Variants in PRRC2A observed in about 807,000 individuals in gnomAD.
PRRC2A encodes the protein proline rich coiled-coil 2A.
In PRRC2A, 59 loss-of-function variants were observed where a neutral mutation model predicts 224.6. The ratio of observed to expected loss-of-function variants is 0.26; its 90% CI spans 0.21 to 0.33. The LOEUF (loss-of-function observed/expected upper bound fraction) is 0.33. Among genes scored for constraint, PRRC2A ranks in the 10% least tolerant of loss-of-function variants. PRRC2A has a pLI of 1.00. For missense variants in PRRC2A, 3,095 were observed against 2,880.7 expected (o/e 1.07, Z -1.70); for synonymous variants, 1,194 against 1,109.5 (o/e 1.08, Z -1.51).
intron 16 of PRRC2A, 91 bp from the exon 17 acceptor site, chr6:31,633,288 G>A (rs1213997220): frequency 1.0e-5 from 16 of 1,525,812 alleles, no homozygotes; most frequent in Non-Finnish European, 1.4e-5. Context: ...ATAGGGAAGA[G>A]AATAGGTTGT....
In PRRC2A at chr6:31,636,232, C is replaced by T. The variant is rs867179380; in HGVS notation, c.5648C>T (p.Pro1883Leu). ...AGATCACAGCCCCTATACCTACCCC[C>T]CGGCCCAGCCCCTCCCTCAGCACTG... ...PYRSQPLYLP[P>L]GPAPPSALLS... The change falls in exon 26 of 31, where the codon CCC becomes CTC. Residue 1883 changes from proline to leucine, a missense_variant. Transcript: ENST00000376033. This position sits in a 1 kb window ranked among gnomAD's most constrained non-coding sequence, Gnocchi z 4.3. 6 of 1,612,732 alleles carry T rather than the reference C, an allele frequency of 3.7e-6. No homozygotes were observed. Among genetic ancestry groups the T allele is most frequent in the Non-Finnish European group, 5.1e-6 (6 of 1,179,752 alleles).
In PRRC2A at chr6:31,632,378, A is replaced by G. The variant is rs762514903; in HGVS notation, c.3705A>G (p.Glu1235=). 6.2e-7 allele frequency: 1 copy of G among 1,612,080 alleles called. No homozygotes were observed. The highest frequency in any genetic ancestry group is 1.1e-5 in the South Asian group (1 of 91,024). The part of the protein sequence containing the change: ...GSNGGSNVGM[E]DGERPRRRRH... ...ATGGAGGTAGCAATGTGGGCATGGA[A>G]GATGGGGAGCGACCCCGAAGGAGGC... is the stretch of plus-strand genomic sequence containing the variant. The change falls in exon 16 of 31, where the codon GAA becomes GAG. Residue 1235 remains glutamate, a synonymous_variant. Transcript: ENST00000376033.
Position 31,637,629 on chromosome 6 carries a change from TTATAAA to T in PRRC2A, c.*48_*53del. ...CCTACCCCCGGGGCTTGTATATAGA[TTATAAA>T]TATATAAGGGGGAAAGGGGTGGGCG... On this transcript the variant is annotated 3_prime_UTR_variant, in exon 31 of 31. Coordinates refer to ENST00000376033, the MANE Select transcript of PRRC2A (RefSeq NM_004638.4). 7 of 1,173,710 alleles carry T rather than the reference TTATAAA, an allele frequency of 6.0e-6. No individual in the cohort carries two copies. The highest frequency in any genetic ancestry group is 3.1e-5 in the East Asian group (1 of 32,458). The allele number at this position is 1,173,710 out of a possible 1,614,324, so 72.7% of individuals were successfully genotyped here. A position where few individuals can be genotyped will look rare whatever the true frequency, so the allele number is the denominator to read the frequency against.
At position 31,635,181 on chromosome 6, in the gene PRRC2A, G is replaced by A. The variant is rs374300121; in HGVS notation, c.5210G>A (p.Arg1737Gln). Residue 1737 changes from arginine (R) to glutamine (Q), a missense_variant, in exon 22 of 31, where the codon CGA (arginine) becomes CAA (glutamine). By Grantham distance (43) the Arg-to-Gln change is conservative. Transcript: ENST00000376033. ...CCCCCTGGCCCCATTGGCACAGAAC[G>A]ATCACAGCGTACAGACCGAGGCACA... ...PLPPGPIGTE[R>Q]SQRTDRGTEP... 1.9e-5 allele frequency: 31 copies of A among 1,612,798 alleles called. No individual in the cohort carries two copies. The highest frequency in any genetic ancestry group is 5.5e-5 in the South Asian group (5 of 91,038).
Position 31,636,178 on chromosome 6 carries a change from A to G in PRRC2A, c.5625-31A>G. ...GGCATTGCTAGGACTCTGGCTTCCTAACAGCTTTTCTCCCCACAATTTATT... is the reference window on the plus strand; with the variant it reads ...GGCATTGCTAGGACTCTGGCTTCCTGACAGCTTTTCTCCCCACAATTTATT... On this transcript the variant is annotated intron_variant, in intron 25 of 30. Coordinates refer to ENST00000376033, the MANE Select transcript of PRRC2A (RefSeq NM_004638.4). The surrounding 1 kb of genome is among the most constrained non-coding windows in gnomAD (Gnocchi z 4.3). The G allele has an allele frequency of 6.3e-7, 1 of 1,599,336 alleles. No individual in the cohort carries two copies. The highest frequency in any genetic ancestry group is 8.6e-7 in the Non-Finnish European group (1 of 1,166,734).
chr6:31,629,170 G>C lies in PRRC2A; in HGVS notation c.1792G>C (p.Gly598Arg). The change falls in exon 13 of 31, where the codon GGT (glycine) becomes CGT (arginine). Residue 598 changes from glycine (G) to arginine (R), a missense_variant. By Grantham distance (125) the Gly-to-Arg change is moderately radical. Coordinates refer to ENST00000376033, the MANE Select transcript of PRRC2A (RefSeq NM_004638.4). ...PVEPQLPSKE[G>R]PEPPEEVPPP... ...GGAACCACAACTGCCCTCAAAAGAG[G>C]GTCCTGAACCACCAGAAGAGGTTCC... is the stretch of plus-strand genomic sequence containing the variant. 1.2e-6 allele frequency: 2 copies of C among 1,614,026 alleles called. No individual in the cohort carries two copies. Among genetic ancestry groups the C allele is most frequent in the Non-Finnish European group, 1.7e-6 (2 of 1,180,000 alleles).
Position 31,630,790 on chromosome 6 carries a change from C to T in PRRC2A, c.2454C>T (p.Asp818=), listed in dbSNP as rs1703128572. 3 of 1,613,946 alleles carry T rather than the reference C, an allele frequency of 1.9e-6. No individual in the cohort carries two copies. Among genetic ancestry groups the T allele is most frequent in the Non-Finnish European group, 2.5e-6 (3 of 1,180,004 alleles). ...SPLRQAADED[D]KGMRSETPPV... ...TGCGCCAGGCTGCGGATGAGGATGACAAGGGGATGAGGTGAGTCTTGGTCA... is the reference window on the plus strand; with the variant it reads ...TGCGCCAGGCTGCGGATGAGGATGATAAGGGGATGAGGTGAGTCTTGGTCA... Residue 818 remains aspartate, a synonymous_variant, in exon 15 of 31, where the codon GAC becomes GAT. Transcript: ENST00000376033.
intron 20 of PRRC2A, 56 bp downstream of exon 20, chr6:31,634,613 A>AC: frequency 1.3e-6 from 2 of 1,593,910 alleles, no homozygotes; most frequent in South Asian, 2.2e-5. Context: ...CACTGGTCAT[A>AC]CCCCCCACCT....
At position 31,633,534 on chromosome 6, in the gene PRRC2A, C is replaced by T. The variant is rs750970808; in HGVS notation, c.4475C>T (p.Ala1492Val). The stretch of plus-strand genomic sequence containing the variant: ...AGTAGCCGTCAAGGGAGTGTAACTG[C>T]ACCAGGGGGTCATCCAAGGCACAAG... The part of the protein sequence containing the change: ...QLSSRQGSVT[A>V]PGGHPRHKPG... Residue 1492 changes from alanine (A) to valine (V), a missense_variant, in exon 17 of 31, where the codon GCA becomes GTA. Transcript: ENST00000376033. 15 of 1,613,006 alleles carry T rather than the reference C, an allele frequency of 9.3e-6. No homozygotes were observed. Among genetic ancestry groups the T allele is most frequent in the Non-Finnish European group, 1.3e-5 (15 of 1,180,050 alleles).
intron 5 of PRRC2A, chr6:31,624,840 C>T (rs936401484): frequency 3.9e-6 from 2 of 515,394 alleles, no homozygotes; most frequent in Admixed American, 3.4e-5. Context: ...ATTCTGTCAC[C>T]CAGGCTGGAG....
chr6:31,628,553 G>A lies in PRRC2A; in HGVS notation c.1765+314G>A, dbSNP rs1776176790. The A allele has an allele frequency of 1.2e-5, 5 of 422,742 alleles. No homozygotes were observed. In the East Asian group the frequency reaches 1.6e-4, roughly 13 times the overall value. 26.2% of individuals were successfully genotyped at this position (422,742 alleles called of 1,614,324 possible). The stretch of plus-strand genomic sequence containing the variant: ...GAGACCAGCCTGGGCAACAAAGCAA[G>A]ACCCTGTCGGCCAGGCATGGTGGCT... On this transcript the variant is annotated intron_variant, in intron 12 of 30. Coordinates refer to ENST00000376033, the MANE Select transcript of PRRC2A (RefSeq NM_004638.4).
rs114023787 is a variant in PRRC2A, at chr6:31,632,734, C to T, written c.4061C>T (p.Pro1354Leu). Residue 1354 changes from proline (P) to leucine (L), a missense_variant, in exon 16 of 31, where the codon CCT becomes CTT. Pro to Leu is a moderately conservative substitution (Grantham distance 98). This residue lies in a region of PRRC2A where 2,001 missense variants were observed against 1,764.9 expected (regional missense o/e 1.13). Coordinates refer to ENST00000376033, the MANE Select transcript of PRRC2A (RefSeq NM_004638.4). ...VLLTPKAVGT[P>L]GGGGGGAVPG... Reference sequence around the variant, plus strand: ...CTGACACCCAAGGCTGTGGGAACTCCTGGGGGAGGTGGAGGTGGAGCCGTA... The same window carrying T: ...CTGACACCCAAGGCTGTGGGAACTCTTGGGGGAGGTGGAGGTGGAGCCGTA... 1.9e-5 allele frequency: 31 copies of T among 1,613,098 alleles called. No homozygotes were observed. Among genetic ancestry groups the T allele is most frequent in the Non-Finnish European group, 2.5e-5 (29 of 1,180,032 alleles).
At chr6:31,633,145 A>G (rs1264015737) in intron 16 of PRRC2A, among the ~76,000 whole-genome samples, 153 bp downstream of exon 16, 1 of 152,198 alleles carries the variant, frequency 6.6e-6, no homozygotes, top group Non-Finnish European at 1.5e-5. Flanking sequence ...GGCTAAGGCA[A>G]CTGGAAAGCG....
rs554666777 is a variant in PRRC2A, at chr6:31,631,065, TAAA to T, written c.2466-73_2466-71del. The T allele has an allele frequency of 9.1e-5, 125 of 1,372,650 alleles. No individual in the cohort carries two copies. Among genetic ancestry groups the T allele is most frequent in the Non-Finnish European group, 1.2e-4 (116 of 1,008,444 alleles). The allele number at this position is 1,372,650 out of a possible 1,614,324, so 85.0% of individuals were successfully genotyped here. ...TAGTAAAAGAGAGTCTGCATCATAA[TAAA>T]GTGTTCTTTTCCCACCTAGTTCTGG... On this transcript the variant is annotated intron_variant, in intron 15 of 30. Transcript: ENST00000376033. The surrounding 1 kb of genome is among the most constrained non-coding windows in gnomAD (Gnocchi z 4.5).
rs754325475 is a variant in PRRC2A, at chr6:31,631,814, G to C, written c.3141G>C (p.Arg1047=). The C allele has an allele frequency of 6.3e-7, 1 of 1,592,876 alleles. No individual in the cohort carries two copies. The highest frequency in any genetic ancestry group is 1.7e-5 in the Admixed American group (1 of 58,360). ...GGGGGACCTATGGGGGACGAGGGCG[G>C]GGAGCCCGAAGCCGGGAATTCCGCA... ...GFRGTYGGRG[R]GARSREFRSY... The change falls in exon 16 of 31, where the codon CGG becomes CGC. Residue 1047 remains arginine, a synonymous_variant. Transcript: ENST00000376033. This position sits in a 1 kb window ranked among gnomAD's most constrained non-coding sequence, Gnocchi z 4.5.
At position 31,637,057 on chromosome 6, in the gene PRRC2A, C is replaced by G; in HGVS notation, c.6163C>G (p.Leu2055Val). The G allele has an allele frequency of 1.2e-6, 2 of 1,606,924 alleles. No homozygotes were observed. The highest frequency in any genetic ancestry group is 1.7e-6 in the Non-Finnish European group (2 of 1,176,896). ...TTCCCCTCAGCTGCATCCAGTGGAA[C>G]TAAAGCCGTTCCAGGATTATCAAAA... ...LGRAELHPVE[L>V]KPFQDYQKLS... Residue 2055 changes from leucine to valine, a missense_variant, in exon 29 of 31, where the codon CTA (leucine) becomes GTA (valine). Around this residue, in one of 8 missense-constraint regions of PRRC2A, gnomAD observed 662 missense variants for 609.5 expected, o/e 1.09. Transcript: ENST00000376033.
intron 5 of PRRC2A, among the ~76,000 whole-genome samples, chr6:31,624,728 A>C (rs1025621816): frequency 6.6e-6 from 1 of 152,222 alleles, no homozygotes; most frequent in Non-Finnish European, 1.5e-5. Context: ...TCCTTGGGGA[A>C]TAAGCAGTTA....
rs759187752 is a variant in PRRC2A, at chr6:31,625,626, C to G, written c.759+15C>G. The G allele has an allele frequency of 9.4e-6, 15 of 1,594,330 alleles. No homozygotes were observed. The highest frequency in any genetic ancestry group is 1.3e-5 in the Non-Finnish European group (15 of 1,169,002). On this transcript the variant is annotated intron_variant, in intron 7 of 30. Transcript: ENST00000376033. This position sits in a 1 kb window ranked among gnomAD's most constrained non-coding sequence, Gnocchi z 4.1. Reference sequence around the variant, plus strand: ...TGCCGCCTTTCGTGAGTCTTGGTGTCTTGTCTTGGAACGATTACACTGGAA... The same window carrying G: ...TGCCGCCTTTCGTGAGTCTTGGTGTGTTGTCTTGGAACGATTACACTGGAA...
Position 31,620,850 on chromosome 6 carries a change from C to A in PRRC2A, c.-109C>A, listed in dbSNP as rs1419311760. The A allele has an allele frequency of 6.5e-6, 1 of 153,210 alleles. No homozygotes were observed. The highest frequency in any genetic ancestry group is 1.5e-5 in the Non-Finnish European group (1 of 68,114). 9.5% of individuals were successfully genotyped at this position (153,210 alleles called of 1,614,324 possible). ...GGCCCGGGTCCCGGATCCCCGCGCACCCGGCCAGGTGAGTCTGGGTGAACC... is the reference window on the plus strand; with the variant it reads ...GGCCCGGGTCCCGGATCCCCGCGCAACCGGCCAGGTGAGTCTGGGTGAACC... On this transcript the variant is annotated 5_prime_UTR_variant, in exon 1 of 31. Transcript: ENST00000376033.
Sources: gnomAD v4.1 joint callset for allele counts (sites outside exome capture counted in the v4.1 genomes callset) on GRCh38, gnomAD v4.1.1 for gene constraint, gnomAD v4.1.1 regional missense constraint, Gnocchi (gnomAD v3.1) non-coding constraint, MANE v1.5 for transcripts, NCBI Gene and HGNC (gene_info 2026-07-23, HGNC 2026-07-21) for gene names.